NKAIN2: variants seen among roughly 807,000 people sequenced by gnomAD.
The protein encoded by NKAIN2 is sodium/potassium transporting ATPase interacting 2, also known as sodium/potassium-transporting ATPase subunit beta-1-interacting protein 2.
In NKAIN2, 14 loss-of-function variants were observed where a neutral mutation model predicts 32.6. The observed-to-expected ratio is 0.43, with a 90% confidence interval of 0.28 to 0.67. NKAIN2 has a LOEUF of 0.67. NKAIN2 is among the 30% of genes least tolerant of loss of function. The pLI is 0.17. For synonymous variants in NKAIN2, 80 were observed against 87.2 expected (o/e 0.92, Z 0.46); for missense variants, 198 against 258.3 (o/e 0.77, Z 1.60).
At chr6:124,400,093 C>A (rs9491156) in intron 3 of NKAIN2, among the ~76,000 whole-genome samples, 1 of 151,892 alleles carries the variant, frequency 6.6e-6, no homozygotes, top group Non-Finnish European at 1.5e-5. Context: ...GCAGAACATT[C>A]GCGACTTAAT....
chr6:124,405,502 A>G (rs2114472630), intron 3 of NKAIN2, among the ~76,000 whole-genome samples: 1 of 151,952 alleles, frequency 6.6e-6, no homozygotes, highest in South Asian at 2.1e-4. Flanking sequence ...ATGAATTCAC[A>G]ATACTAAGAC....
intron 1 of NKAIN2, among the ~76,000 whole-genome samples, chr6:123,808,858 T>C (rs1773334560): frequency 6.6e-6 from 1 of 152,234 alleles, no homozygotes; most frequent in Non-Finnish European, 1.5e-5. Flanking sequence ...AGTCAGGGAT[T>C]CCTTAAAATA....
intron 3 of NKAIN2, among the ~76,000 whole-genome samples, chr6:124,433,721 C>T (rs1436901204): frequency 6.6e-6 from 1 of 152,082 alleles, no homozygotes; most frequent in Non-Finnish European, 1.5e-5. Flanking sequence ...CAACCAGGCT[C>T]ATATAGACAA....
At chr6:124,046,076 C>CT (rs950701510) in intron 1 of NKAIN2, among the ~76,000 whole-genome samples, 7 of 151,208 alleles carry the variant, frequency 4.6e-5, no homozygotes, top group East Asian at 1.9e-4. Flanking sequence ...TACACATTAT[C>CT]TTTTTTTTTC....
intron 1 of NKAIN2, among the ~76,000 whole-genome samples, chr6:124,077,979 T>C (rs1562344978): frequency 6.6e-6 from 1 of 152,162 alleles, no homozygotes; most frequent in Non-Finnish European, 1.5e-5. Context: ...TACCTTAGCA[T>C]TGAGGCTGAT....
At chr6:124,310,085 C>A (rs1430557336) in intron 2 of NKAIN2, among the ~76,000 whole-genome samples, 1 of 151,774 alleles carries the variant, frequency 6.6e-6, no homozygotes, top group Non-Finnish European at 1.5e-5. Context: ...ATAGATGTCC[C>A]GAAATGTTTA....
At chr6:124,480,244 G>T (rs1458907183) in intron 3 of NKAIN2, among the ~76,000 whole-genome samples, 1 of 152,000 alleles carries the variant, frequency 6.6e-6, no homozygotes, top group Non-Finnish European at 1.5e-5. Flanking sequence ...TTTCATTTCA[G>T]AGTTTAAAAT....
intron 4 of NKAIN2, among the ~76,000 whole-genome samples, chr6:124,785,069 GA>G (rs71541254): frequency 7.9e-5 from 12 of 151,708 alleles, no homozygotes; most frequent in East Asian, 1.9e-4. Context: ...TCCAGTGGGG[GA>G]AAAAAAAGTT....
At chr6:124,213,127 A>G (rs923062284) in intron 1 of NKAIN2, among the ~76,000 whole-genome samples, 3 of 152,114 alleles carry the variant, frequency 2.0e-5, no homozygotes, top group African/African-American at 7.2e-5. Flanking sequence ...ATGTTTAGTG[A>G]TCCCCCCAGC....
At chr6:124,379,112 A>AGAGGAGAGGGGAGGG (rs1289538757) in intron 3 of NKAIN2, among the ~76,000 whole-genome samples, 1 of 107,874 alleles carries the variant, frequency 9.3e-6, no homozygotes, top group African/African-American at 3.4e-5. Flanking sequence ...AAAGGAAAGA[A>AGAGGAGAGGGGAGGG]GAGGAGAGGG....
chr6:124,529,456 T>C (rs1283657445), intron 3 of NKAIN2, among the ~76,000 whole-genome samples: 1 of 152,206 alleles, frequency 6.6e-6, no homozygotes, highest in Non-Finnish European at 1.5e-5. Flanking sequence ...AAAACCCTTA[T>C]AATTTAGTCT....
intron 1 of NKAIN2, among the ~76,000 whole-genome samples, chr6:124,119,809 G>T (rs1312799952): frequency 1.3e-5 from 2 of 152,192 alleles, no homozygotes; most frequent in African/African-American, 4.8e-5. Flanking sequence ...TCACCCTGGA[G>T]CTCAGACTGG....
chr6:124,385,532 C>T (rs1772859217), intron 3 of NKAIN2, among the ~76,000 whole-genome samples: 1 of 152,122 alleles, frequency 6.6e-6, no homozygotes, highest in Non-Finnish European at 1.5e-5. Context: ...GAATCGGTGT[C>T]TCTTAAAACT....
intron 1 of NKAIN2, among the ~76,000 whole-genome samples, chr6:124,124,639 A>G (rs1013356125): frequency 1.3e-5 from 2 of 152,190 alleles, no homozygotes; most frequent in Non-Finnish European, 2.9e-5. Flanking sequence ...TGTGAACCAT[A>G]GCAGAATAGA....
chr6:124,132,349 G>T (rs778032905), intron 1 of NKAIN2, among the ~76,000 whole-genome samples: 4 of 152,130 alleles, frequency 2.6e-5, no homozygotes, highest in Non-Finnish European at 4.4e-5. Context: ...GAACACAAAA[G>T]ACATAAATTC....
chr6:124,454,460 A>G (rs1248610338), intron 3 of NKAIN2, among the ~76,000 whole-genome samples: 1 of 152,062 alleles, frequency 6.6e-6, no homozygotes, highest in Non-Finnish European at 1.5e-5. Context: ...AAGAGTCTTA[A>G]TTTTATTTCC....
chr6:123,926,455 C>CAG (rs1776007410), intron 1 of NKAIN2, among the ~76,000 whole-genome samples: 12 of 152,054 alleles, frequency 7.9e-5, no homozygotes, highest in Admixed American at 5.9e-4. Flanking sequence ...ATGCCCACTG[C>CAG]TCCGTTCCCC....
intron 2 of NKAIN2, among the ~76,000 whole-genome samples, chr6:124,299,468 A>AT (rs1002472235): frequency 3.9e-5 from 6 of 152,138 alleles, no homozygotes; most frequent in South Asian, 2.1e-4. Context: ...TAGAAAAATG[A>AT]TTTTTTTTAA....
intron 3 of NKAIN2, among the ~76,000 whole-genome samples, chr6:124,657,138 C>T (rs781382466): frequency 6.6e-6 from 1 of 152,208 alleles, no homozygotes; most frequent in Non-Finnish European, 1.5e-5. Context: ...GTGTGTGGCT[C>T]CACGTCACAA....
Sources: allele counts gnomAD v4.1 joint callset (sites outside exome capture counted in the v4.1 genomes callset), GRCh38; gene constraint gnomAD v4.1.1; transcripts MANE v1.5; gene names NCBI Gene and HGNC (gene_info 2026-07-23, HGNC 2026-07-21).